Variants in VAV3 observed in about 807,000 individuals in gnomAD.
The protein encoded by VAV3 is vav guanine nucleotide exchange factor 3, also known as guanine nucleotide exchange factor VAV3.
In VAV3, 94 loss-of-function variants were observed where a neutral mutation model predicts 131.2. The ratio of observed to expected loss-of-function variants is 0.72; its 90% CI spans 0.61 to 0.85. The LOEUF (loss-of-function observed/expected upper bound fraction) is 0.85. Among genes scored for constraint, VAV3 ranks in the 40% least tolerant of loss-of-function variants. The pLI is 0.00. For synonymous variants in VAV3, 349 were observed against 342.0 expected, an observed-to-expected ratio of 1.02 and a Z score of -0.22; for missense variants, 939 against 1,002.7, an observed-to-expected ratio of 0.94 and a Z score of 0.86.
intron 20 of VAV3, among the ~76,000 whole-genome samples, chr1:107,627,691 C>A (rs993787895): frequency 7.9e-5 from 12 of 151,986 alleles, no homozygotes; most frequent in Non-Finnish European, 1.5e-4. Context: ...GAATTAAAAT[C>A]TCATTTTATA....
chr1:107,639,853 G>A (rs1655208915), intron 20 of VAV3, among the ~76,000 whole-genome samples: 2 of 151,524 alleles, frequency 1.3e-5, no homozygotes, highest in African/African-American at 4.9e-5. Flanking sequence ...AAGATGGCTT[G>A]AGCCCAGGAG....
At chr1:107,688,466 C>T (rs775304975) in intron 17 of VAV3, 60 bp from the exon 18 acceptor site, 9 of 1,607,792 alleles carry the variant, frequency 5.6e-6, no homozygotes, top group Admixed American at 1.7e-5. Context: ...GGTTAGCAAC[C>T]TTAGCTTTCT....
At chr1:107,696,294 T>C (rs1570770271) in intron 17 of VAV3, among the ~76,000 whole-genome samples, 2 of 152,380 alleles carry the variant, frequency 1.3e-5, no homozygotes, top group Middle Eastern at 3.4e-3. Context: ...CATTTCTTTG[T>C]GTTGGGAATA....
intron 2 of VAV3, among the ~76,000 whole-genome samples, chr1:107,839,899 C>G (rs1668620698): frequency 6.6e-6 from 1 of 152,154 alleles, no homozygotes; most frequent in Admixed American, 6.5e-5. Flanking sequence ...ATGAACAACA[C>G]TATGCCCACA....
At chr1:107,907,680 C>T (rs193096906) in intron 1 of VAV3, among the ~76,000 whole-genome samples, 2 of 151,290 alleles carry the variant, frequency 1.3e-5, no homozygotes, top group Admixed American at 6.6e-5. Flanking sequence ...CTCTCACACA[C>T]ACACGCGCTC....
At chr1:107,724,145 T>C (rs1408330083) in intron 15 of VAV3, among the ~76,000 whole-genome samples, 2 of 152,108 alleles carry the variant, frequency 1.3e-5, no homozygotes, top group Non-Finnish European at 2.9e-5. Flanking sequence ...TCTCCAATCA[T>C]AGTATTTCAT....
intron 15 of VAV3, among the ~76,000 whole-genome samples, chr1:107,729,447 T>C (rs1662083412): frequency 6.6e-6 from 1 of 152,076 alleles, no homozygotes; most frequent in African/African-American, 2.4e-5. Flanking sequence ...GGTTAGGAGA[T>C]AGAAAACCTG....
chr1:107,677,375 T>C (rs1302730117), intron 19 of VAV3, among the ~76,000 whole-genome samples: 1 of 152,176 alleles, frequency 6.6e-6, no homozygotes, highest in Non-Finnish European at 1.5e-5. Flanking sequence ...ACCTAAGTGC[T>C]GAAAGAAAAT....
At chr1:107,742,605 TACTC>T (rs1462651834) in intron 15 of VAV3, among the ~76,000 whole-genome samples, 2 of 152,204 alleles carry the variant, frequency 1.3e-5, no homozygotes, top group Non-Finnish European at 2.9e-5. Flanking sequence ...CCCAGAGCCT[TACTC>T]ACACCAAACA....
At chr1:107,791,689 T>G (rs78951840) in intron 2 of VAV3, among the ~76,000 whole-genome samples, 2 of 152,196 alleles carry the variant, frequency 1.3e-5, no homozygotes, top group Non-Finnish European at 2.9e-5. Context: ...GATTCTAGTA[T>G]GCAGCCAGGG....
intron 18 of VAV3, among the ~76,000 whole-genome samples, chr1:107,687,889 A>C (rs1659144846): frequency 6.6e-6 from 1 of 152,226 alleles, no homozygotes; most frequent in Non-Finnish European, 1.5e-5. Flanking sequence ...AACCAAAAGG[A>C]AATGTTACTA....
At chr1:107,798,700 C>T (rs1465934572) in intron 2 of VAV3, among the ~76,000 whole-genome samples, 2 of 95,478 alleles carry the variant, frequency 2.1e-5, no homozygotes, top group East Asian at 6.6e-4. Flanking sequence ...GCCTGGGCAA[C>T]ATAGCAAGAC....
chr1:107,647,575 A>G (rs1655829095), intron 19 of VAV3, among the ~76,000 whole-genome samples: 1 of 151,976 alleles, frequency 6.6e-6, no homozygotes, highest in African/African-American at 2.4e-5. Flanking sequence ...AAACAAATAA[A>G]TGTTCATATC....
chr1:107,775,101 C>G (rs898689031), intron 4 of VAV3, among the ~76,000 whole-genome samples: 2 of 152,136 alleles, frequency 1.3e-5, no homozygotes, highest in Admixed American at 6.5e-5. Flanking sequence ...CAGACTGCCT[C>G]TCACAGAGCA....
chr1:107,628,357 T>A (rs184417434), intron 20 of VAV3, among the ~76,000 whole-genome samples: 2 of 152,266 alleles, frequency 1.3e-5, no homozygotes, highest in East Asian at 3.9e-4. Context: ...CAAGGTAAAC[T>A]AAGACAAAGG....
Position 107,572,217 on chromosome 1 carries a change from GA to G in VAV3, c.*1113del, listed in dbSNP as rs1649310761. ...TAATACACTCCCAGGATGGGCTGCA[GA>G]GGGGGAGACTCTGAGAGAAGCTGGA... On this transcript the variant is annotated 3_prime_UTR_variant, in exon 27 of 27. Coordinates refer to ENST00000370056, the MANE Select transcript of VAV3 (RefSeq NM_006113.5). 6.6e-6 allele frequency: 1 copy of G among 152,246 alleles called. No individual in the cohort carries two copies. Among genetic ancestry groups the G allele is most frequent in the Non-Finnish European group, 1.5e-5 (1 of 68,056 alleles). 9.4% of individuals were successfully genotyped at this position (152,246 alleles called of 1,614,324 possible). A position where few individuals can be genotyped will look rare whatever the true frequency, so the allele number is the denominator to read the frequency against.
chr1:107,827,465 A>G (rs1668065689), intron 2 of VAV3, among the ~76,000 whole-genome samples: 1 of 152,172 alleles, frequency 6.6e-6, no homozygotes, highest in African/African-American at 2.4e-5. Flanking sequence ...ATGGATTTAT[A>G]ACTGGCTGAA....
chr1:107,600,533 A>G (rs1471758456), intron 24 of VAV3, among the ~76,000 whole-genome samples: 2 of 152,234 alleles, frequency 1.3e-5, no homozygotes, highest in Admixed American at 6.5e-5. Flanking sequence ...GATTTTATAC[A>G]TAACATATAA....
At chr1:107,953,840 A>G (rs1278694570) in intron 1 of VAV3, among the ~76,000 whole-genome samples, 2 of 152,256 alleles carry the variant, frequency 1.3e-5, no homozygotes, top group Non-Finnish European at 2.9e-5. Context: ...TATCAAGTGT[A>G]TCATTAAATA....
Sources: allele counts gnomAD v4.1 joint callset (sites outside exome capture counted in the v4.1 genomes callset), GRCh38; gene constraint gnomAD v4.1.1; transcripts MANE v1.5; gene names NCBI Gene and HGNC (gene_info 2026-07-23, HGNC 2026-07-21).